GRM4: variants seen among roughly 807,000 people sequenced by gnomAD.
GRM4 encodes the protein glutamate metabotropic receptor 4, also known as metabotropic glutamate receptor 4.
In GRM4, 28 loss-of-function variants were observed where a neutral mutation model predicts 81.7. That is an observed-to-expected ratio of 0.34 (90% CI 0.25 to 0.47). The LOEUF (loss-of-function observed/expected upper bound fraction) is 0.47, where lower values mean the gene tolerates loss of function less well. Ranked by LOEUF, GRM4 falls within the 20% of genes least tolerant of loss-of-function variation. The pLI, the probability that GRM4 is intolerant of heterozygous loss-of-function variation, is 1.00. For synonymous variants in GRM4, 488 were observed against 528.8 expected (o/e 0.92, Z 1.06); for missense variants, 948 against 1,290.0 (o/e 0.73, Z 4.06).
Position 34,133,445 on chromosome 6 carries a change from GGCAAAGGGGCA to G in GRM4, c.41_51del (p.Leu14ProfsTer54). On this transcript the variant is annotated frameshift_variant, in exon 2 of 11. Coordinates refer to ENST00000538487, the MANE Select transcript of GRM4 (RefSeq NM_000841.4). LOFTEE classifies it high-confidence loss of function. This position sits in a 1 kb window ranked among gnomAD's most constrained non-coding sequence, Gnocchi z 6.5. ...CAGGGGCCGTAAAGGCTGAGGAGCAGGCAAAGGGGCAGCCGGGCCCACCACCAGCCCAAGCC... is the reference window on the plus strand; with the variant it reads ...CAGGGGCCGTAAAGGCTGAGGAGCAGGCCGGGCCCACCACCAGCCCAAGCC... The G allele has an allele frequency of 6.2e-7, 1 of 1,605,952 alleles. No homozygotes were observed. The highest frequency in any genetic ancestry group is 8.5e-7 in the Non-Finnish European group (1 of 1,176,338).
chr6:34,072,224 TG>T, intron 3 of GRM4, among the ~76,000 whole-genome samples: 1 of 8,896 alleles, frequency 1.1e-4, no homozygotes, highest in Non-Finnish European at 2.7e-4. Flanking sequence ...ACCACACAGA[TG>T]CACACCACAC....
chr6:34,085,407 A>G (rs955293346), intron 3 of GRM4, among the ~76,000 whole-genome samples: 1 of 152,108 alleles, frequency 6.6e-6, no homozygotes, highest in African/African-American at 2.4e-5. Flanking sequence ...TGCCTCCAGG[A>G]ATGGATTTCT....
intron 3 of GRM4, among the ~76,000 whole-genome samples, chr6:34,065,911 C>T (rs1379895163): frequency 2.6e-5 from 4 of 152,144 alleles, no homozygotes. Context: ...AGTTTGGGAT[C>T]CAGGCCAGCC....
chr6:34,040,693 A>G lies in GRM4; in HGVS notation c.1224T>C (p.Phe408=), dbSNP rs1209321005. 6.2e-7 allele frequency: 1 copy of G among 1,614,120 alleles called. No individual in the cohort carries two copies. ...CCATGGCGTACACGGCATCGATCAC[A>G]AACTGCACCTTCCCCTCCTGCTCAT... The part of the protein sequence containing the change: ...SAYEQEGKVQ[F]VIDAVYAMGH... The change falls in exon 7 of 11, where the codon TTT becomes TTC. Residue 408 remains phenylalanine, a synonymous_variant. Transcript: ENST00000538487.
In GRM4 at chr6:34,124,347, G is replaced by GC. The variant is rs543018399; in HGVS notation, c.519+8630dup. Among the ~76,000 whole-genome samples the GC allele has an allele frequency of 3.3e-5, 5 of 152,124 alleles. No homozygotes were observed. The South Asian group carries it at 1.0e-3, about 32-fold the overall frequency. Reference sequence around the variant, plus strand: ...TGCACAAAAGTCCGCTCTGAACAAGGCCCCCCCACCAACCCTGCCTAGACT... The same window carrying GC: ...TGCACAAAAGTCCGCTCTGAACAAGGCCCCCCCCACCAACCCTGCCTAGACT... On this transcript the variant is annotated intron_variant, in intron 2 of 10. Transcript: ENST00000538487.
At chr6:34,142,840 C>T (rs779827882) in intron 1 of GRM4, among the ~76,000 whole-genome samples, 1 of 152,196 alleles carries the variant, frequency 6.6e-6, no homozygotes, top group Non-Finnish European at 1.5e-5. Flanking sequence ...GGAGGAGGAG[C>T]GGCCTACGCA....
chr6:34,094,813 C>T (rs1369997493), intron 2 of GRM4, among the ~76,000 whole-genome samples: 1 of 152,168 alleles, frequency 6.6e-6, no homozygotes, highest in Admixed American at 6.5e-5. Context: ...GGGCTCAACC[C>T]GGGCCACACA....
intron 1 of GRM4, among the ~76,000 whole-genome samples, chr6:34,151,606 G>A (rs1448376601): frequency 6.6e-6 from 1 of 152,138 alleles, no homozygotes; most frequent in Non-Finnish European, 1.5e-5. Flanking sequence ...CGGGAGGGGC[G>A]CAGTCCACCT....
At position 34,040,825 on chromosome 6, in the gene GRM4, C is replaced by T. The variant is rs575682454; in HGVS notation, c.1169-77G>A. 3.1e-4 allele frequency: 367 copies of T among 1,193,636 alleles called. 1 individual carries two copies. Among genetic ancestry groups the T allele is most frequent in the Non-Finnish European group, 3.9e-4 (323 of 821,738 alleles). 73.9% of individuals were successfully genotyped at this position (1,193,636 alleles called of 1,614,324 possible). A position where few individuals can be genotyped will look rare whatever the true frequency, so the allele number is the denominator to read the frequency against. Reference sequence around the variant, plus strand: ...AGTGGTGTCATGGGGGCCAGACCACCCTCTGGCCACCTGGAGAAGTGGCAC... The same window carrying T: ...AGTGGTGTCATGGGGGCCAGACCACTCTCTGGCCACCTGGAGAAGTGGCAC... On this transcript the variant is annotated intron_variant, in intron 6 of 10. Coordinates refer to ENST00000538487, the MANE Select transcript of GRM4 (RefSeq NM_000841.4).
chr6:34,118,366 G>A (rs1025082259), intron 2 of GRM4, among the ~76,000 whole-genome samples: 3 of 152,206 alleles, frequency 2.0e-5, no homozygotes, highest in African/African-American at 7.2e-5. Context: ...ACTAAGAGCT[G>A]CTGGACTAGG....
chr6:34,128,019 G>A (rs766286053), intron 2 of GRM4, among the ~76,000 whole-genome samples: 6 of 152,154 alleles, frequency 3.9e-5, no homozygotes, highest in Non-Finnish European at 5.9e-5. Flanking sequence ...AACTCACACC[G>A]CCAGGCTAGG....
At chr6:34,033,500 C>T (rs1315742392) in intron 9 of GRM4, among the ~76,000 whole-genome samples, 1 of 152,136 alleles carries the variant, frequency 6.6e-6, no homozygotes, top group Non-Finnish European at 1.5e-5. Context: ...CCTGAGTCCT[C>T]ATCTGTAAGC....
In GRM4 at chr6:34,022,787, GCTC is replaced by G. The variant is rs1281531067; in HGVS notation, c.*31_*33del. On this transcript the variant is annotated 3_prime_UTR_variant, in exon 11 of 11. Coordinates refer to ENST00000538487, the MANE Select transcript of GRM4 (RefSeq NM_000841.4). This position sits in a 1 kb window ranked among gnomAD's most constrained non-coding sequence, Gnocchi z 5.6. Reference sequence around the variant, plus strand: ...CCGACGCACCTTCCACAGGGTCACGGCTCCTCCTCCTGCTGCTCAGCTCCATGG... The same window carrying G: ...CCGACGCACCTTCCACAGGGTCACGGCTCCTCCTGCTGCTCAGCTCCATGG... The G allele has an allele frequency of 1.3e-6, 2 of 1,596,066 alleles. No homozygotes were observed. Among genetic ancestry groups the G allele is most frequent in the Admixed American group, 1.7e-5 (1 of 59,980 alleles).
chr6:34,064,821 C>A lies in GRM4; in HGVS notation c.737-2793G>T, dbSNP rs1201846375. Among the ~76,000 whole-genome samples, 1 of 152,172 alleles carries A rather than the reference C, an allele frequency of 6.6e-6. No homozygotes were observed. The highest frequency in any genetic ancestry group is 1.5e-5 in the Non-Finnish European group (1 of 68,022). ...TGCCTGGCACCATGCGAGGCCCAGT[C>A]TCAATGAATCCTTACACATTAGCCG... On this transcript the variant is annotated intron_variant, in intron 3 of 10. Transcript: ENST00000538487. This position sits in a 1 kb window ranked among gnomAD's most constrained non-coding sequence, Gnocchi z 4.4.
intron 3 of GRM4, among the ~76,000 whole-genome samples, chr6:34,087,279 CA>C (rs1767941728): frequency 6.6e-6 from 1 of 151,872 alleles, no homozygotes; most frequent in African/African-American, 2.4e-5. Flanking sequence ...ATTAGCCAGG[CA>C]TGGTGGTGCA....
intron 9 of GRM4, among the ~76,000 whole-genome samples, chr6:34,030,446 C>T (rs951804714): frequency 1.1e-4 from 17 of 152,326 alleles, no homozygotes; most frequent in Middle Eastern, 6.8e-3. Context: ...AGGCCCTTCT[C>T]TGGGCAGAGG....
rs1308832089 is a variant in GRM4, at chr6:34,035,144, G to A, written c.2442+524C>T. 2.0e-5 allele frequency among the ~76,000 whole-genome samples: 3 copies of A among 152,068 alleles called. No individual in the cohort carries two copies. On this transcript the variant is annotated intron_variant, in intron 9 of 10. Transcript: ENST00000538487. This position sits in a 1 kb window ranked among gnomAD's most constrained non-coding sequence, Gnocchi z 6.6. ...TGAACCAAAAGGAAGACAGGGTTGA[G>A]TAGGGAGAGAGGTAAGAGAAAGGAG...
At chr6:34,101,424 G>T (rs1345422467) in intron 2 of GRM4, among the ~76,000 whole-genome samples, 1 of 152,218 alleles carries the variant, frequency 6.6e-6, no homozygotes. Context: ...AGCCCATGCT[G>T]CTGTCAGGTA....
intron 8 of GRM4, among the ~76,000 whole-genome samples, chr6:34,039,831 C>T (rs1457101446): frequency 1.3e-5 from 2 of 151,940 alleles, no homozygotes; most frequent in African/African-American, 4.8e-5. Context: ...CATCACCCCC[C>T]ACTTGCCCAC....
Sources: gnomAD v4.1 joint callset for allele counts (sites outside exome capture counted in the v4.1 genomes callset) on GRCh38, gnomAD v4.1.1 for gene constraint, Gnocchi (gnomAD v3.1) non-coding constraint, MANE v1.5 for transcripts, NCBI Gene and HGNC (gene_info 2026-07-23, HGNC 2026-07-21) for gene names.